Variants in PDE4D observed in about 807,000 individuals in gnomAD.
PDE4D encodes the protein 3',5'-cyclic-AMP phosphodiesterase 4D.
In PDE4D, 24 loss-of-function variants were observed where a neutral mutation model predicts 87.4. That is an observed-to-expected ratio of 0.27 (90% CI 0.20 to 0.39). The LOEUF (loss-of-function observed/expected upper bound fraction) is 0.39. Among genes scored for constraint, PDE4D ranks in the 10% least tolerant of loss-of-function variants. The pLI is 1.00. For synonymous variants in PDE4D, 384 were observed against 383.2 expected (o/e 1.00, Z -0.02); for missense variants, 714 against 1,041.0 (o/e 0.69, Z 4.32).
At chr5:59,945,665 T>C (rs1377717026) in intron 3 of PDE4D, among the ~76,000 whole-genome samples, 2 of 152,246 alleles carry the variant, frequency 1.3e-5, no homozygotes, top group Non-Finnish European at 2.9e-5. Flanking sequence ...TCATAGGACC[T>C]GTTAGAGACC....
At chr5:59,725,993 G>A (rs1756543735) in intron 1 of PDE4D, among the ~76,000 whole-genome samples, 1 of 152,068 alleles carries the variant, frequency 6.6e-6, no homozygotes, top group Admixed American at 6.5e-5. Flanking sequence ...GGACTGCTAT[G>A]AGGGTTGAAT....
intron 1 of PDE4D, among the ~76,000 whole-genome samples, chr5:60,431,415 CG>C (rs1384469271): frequency 6.6e-6 from 1 of 150,388 alleles, no homozygotes; most frequent in Non-Finnish European, 1.5e-5. Context: ...CGGGTAGAGG[CG>C]CTCCTCACAT....
chr5:59,154,451 A>G (rs1779879595), intron 5 of PDE4D, among the ~76,000 whole-genome samples: 1 of 152,216 alleles, frequency 6.6e-6, no homozygotes, highest in African/African-American at 2.4e-5. Context: ...GCTAAATGCA[A>G]CTGACAGTTT....
intron 1 of PDE4D, among the ~76,000 whole-genome samples, chr5:60,474,456 C>T (rs1352757598): frequency 6.6e-6 from 1 of 151,898 alleles, no homozygotes; most frequent in Admixed American, 6.6e-5. Flanking sequence ...GAGAGGGATA[C>T]AAAAATTCAG....
At chr5:59,609,289 C>T (rs539109676) in intron 1 of PDE4D, among the ~76,000 whole-genome samples, 5 of 151,672 alleles carry the variant, frequency 3.3e-5, no homozygotes, top group Admixed American at 2.0e-4. Flanking sequence ...ACTTTCTTGC[C>T]CCTTTGAAGT....
At chr5:60,396,493 A>G (rs1762892163) in intron 1 of PDE4D, among the ~76,000 whole-genome samples, 1 of 152,104 alleles carries the variant, frequency 6.6e-6, no homozygotes, top group South Asian at 2.1e-4. Context: ...CTGGTTCTAT[A>G]TTAACTTTTA....
chr5:59,847,026 C>A (rs965847040), intron 1 of PDE4D, among the ~76,000 whole-genome samples: 1 of 151,964 alleles, frequency 6.6e-6, no homozygotes, highest in African/African-American at 2.4e-5. Flanking sequence ...ATGGCAGAGC[C>A]TATTTCGTTG....
chr5:59,384,683 T>C (rs139081688), intron 1 of PDE4D, among the ~76,000 whole-genome samples: 1 of 152,134 alleles, frequency 6.6e-6, no homozygotes, highest in African/African-American at 2.4e-5. Flanking sequence ...CTATACTATA[T>C]ATATTCATTG....
In PDE4D at chr5:59,985,124, G is replaced by GTTTTTTTTTTTTTTTTTTT. The variant is rs762506771; in HGVS notation, c.272+3363_272+3364insAAAAAAAAAAAAAAAAAAA. Among the ~76,000 whole-genome samples the GTTTTTTTTTTTTTTTTTTT allele has an allele frequency of 2.3e-4, 26 of 111,348 alleles. 6 individuals are homozygous for GTTTTTTTTTTTTTTTTTTT. The highest frequency in any genetic ancestry group is 7.5e-4 in the East Asian group (2 of 2,658). 73.0% of individuals were successfully genotyped at this position (111,348 alleles called of 152,430 possible). On this transcript the variant is annotated intron_variant, in intron 3 of 16. Coordinates refer to the PDE4D transcript ENST00000502484. ...AATATAAGCCCGAACTTCACCTTTC[G>GTTTTTTTTTTTTTTTTTTT]TTTTTTGTTTTTTGTTTTTTGTTTT...
chr5:59,222,845 C>A (rs1752858223), intron 1 of PDE4D, among the ~76,000 whole-genome samples: 1 of 152,118 alleles, frequency 6.6e-6, no homozygotes, highest in South Asian at 2.1e-4. Context: ...AGCTCTAGGG[C>A]CATTATAAGG....
At chr5:59,862,689 A>C (rs550863242) in intron 1 of PDE4D, among the ~76,000 whole-genome samples, 1 of 152,344 alleles carries the variant, frequency 6.6e-6, no homozygotes, top group African/African-American at 2.4e-5. Context: ...TGCACACTAG[A>C]ATCAGCTACC....
intron 5 of PDE4D, among the ~76,000 whole-genome samples, chr5:59,131,308 G>A (rs58180788): frequency 3.3e-5 from 5 of 151,964 alleles, no homozygotes; most frequent in Non-Finnish European, 5.9e-5. Flanking sequence ...TTTCACTTTC[G>A]TATCCCCAAC....
At chr5:60,241,251 G>A (rs1416609918) in intron 1 of PDE4D, among the ~76,000 whole-genome samples, 1 of 147,786 alleles carries the variant, frequency 6.8e-6, no homozygotes, top group Non-Finnish European at 1.5e-5. Context: ...GAATACATCA[G>A]AGTCTCTCTC....
chr5:59,106,067 TAATA>T (rs1216738086), intron 5 of PDE4D, among the ~76,000 whole-genome samples: 1 of 152,240 alleles, frequency 6.6e-6, no homozygotes, highest in African/African-American at 2.4e-5. Flanking sequence ...GATTTACAAC[TAATA>T]TATAATTGGG....
chr5:59,048,319 G>C (rs1761026948), intron 5 of PDE4D, among the ~76,000 whole-genome samples: 1 of 152,354 alleles, frequency 6.6e-6, no homozygotes, highest in African/African-American at 2.4e-5. Context: ...GACTGTAGGA[G>C]AGCATCTGTG....
At chr5:59,089,682 TA>T (rs1209360713) in intron 5 of PDE4D, among the ~76,000 whole-genome samples, 1 of 152,136 alleles carries the variant, frequency 6.6e-6, no homozygotes, top group African/African-American at 2.4e-5. Context: ...AAAGGACCAC[TA>T]GACTAATAAT....
chr5:59,001,307 T>C (rs1474577608), intron 6 of PDE4D, among the ~76,000 whole-genome samples: 1 of 152,184 alleles, frequency 6.6e-6, no homozygotes, highest in Non-Finnish European at 1.5e-5. Context: ...CTTGCTGGTA[T>C]GGCTACTCTG....
intron 1 of PDE4D, among the ~76,000 whole-genome samples, chr5:60,434,308 A>T (rs923978992): frequency 3.9e-5 from 6 of 152,210 alleles, no homozygotes; most frequent in Non-Finnish European, 5.9e-5. Flanking sequence ...AATAAAAATT[A>T]TTGTTCACAG....
intron 1 of PDE4D, among the ~76,000 whole-genome samples, chr5:60,513,266 G>T (rs1750654893): frequency 6.6e-6 from 1 of 152,108 alleles, no homozygotes; most frequent in Non-Finnish European, 1.5e-5. Flanking sequence ...AGGTCGCTAT[G>T]CAGGCACTAC....
Sources: gnomAD v4.1 joint callset for allele counts (sites outside exome capture counted in the v4.1 genomes callset) on GRCh38, gnomAD v4.1.1 for gene constraint, MANE v1.5 for transcripts, NCBI Gene and HGNC (gene_info 2026-07-23, HGNC 2026-07-21) for gene names.